CDH7: variants seen among roughly 807,000 people sequenced by gnomAD.
The protein encoded by CDH7 is cadherin-7.
A neutral mutation model predicts 71.8 loss-of-function variants in CDH7; 25 were observed. The ratio of observed to expected loss-of-function variants is 0.35; its 90% CI spans 0.25 to 0.49. The LOEUF (loss-of-function observed/expected upper bound fraction) is 0.49. Among genes scored for constraint, CDH7 ranks in the 20% least tolerant of loss-of-function variants. The probability of loss-of-function intolerance (pLI) is 0.99; values close to 1 mark genes in which losing one functional copy is unlikely to be tolerated. For missense variants in CDH7, 862 were observed against 974.6 expected (o/e 0.88, Z 1.54); for synonymous variants, 381 against 363.8 (o/e 1.05, Z -0.54).
chr18:65,870,185 T>C (rs541646797), intron 11 of CDH7, among the ~76,000 whole-genome samples: 1 of 152,318 alleles, frequency 6.6e-6, no homozygotes, highest in East Asian at 1.9e-4. Context: ...TTATAGTTGA[T>C]ATCTCAGTCA....
At chr18:65,776,014 C>A (rs1909927514) in intron 2 of CDH7, among the ~76,000 whole-genome samples, 1 of 151,888 alleles carries the variant, frequency 6.6e-6, no homozygotes, top group South Asian at 2.1e-4. Flanking sequence ...ATGGAAAGAG[C>A]AGATGTTAGT....
intron 6 of CDH7, among the ~76,000 whole-genome samples, chr18:65,836,691 A>AATC (rs1912543973): frequency 6.6e-6 from 1 of 151,306 alleles, no homozygotes; most frequent in Non-Finnish European, 1.5e-5. Flanking sequence ...TTAAAATAAT[A>AATC]ATAATAATAA....
rs1910951766 is a variant in CDH7 at position 65,797,304 on chromosome 18, CCTCACT to C, written c.211-12396_211-12391del. On this transcript the variant is annotated intron_variant, in intron 2 of 11. Coordinates refer to ENST00000397968, the MANE Select transcript of CDH7 (RefSeq NM_004361.5). ...TTGTGGTCTTTGCCTGTTTCTTCCA[CCTCACT>C]CTCTTTTTTCCCTTTTTCTTCCTAT... Among the ~76,000 whole-genome samples the C allele has an allele frequency of 2.0e-5, 3 of 152,282 alleles. No individual in the cohort carries two copies. In the South Asian group the frequency reaches 6.2e-4, roughly 32 times the overall value.
chr18:65,872,249 A>T (rs1913949878), intron 11 of CDH7, among the ~76,000 whole-genome samples: 1 of 152,196 alleles, frequency 6.6e-6, no homozygotes, highest in East Asian at 1.9e-4. Context: ...GGATTTGGCA[A>T]AATGTGAGTC....
chr18:65,778,533 T>TTTTTTTTTTTTTTTTTG (rs1910049155), intron 2 of CDH7, among the ~76,000 whole-genome samples: 1 of 144,146 alleles, frequency 6.9e-6, no homozygotes, highest in Non-Finnish European at 1.5e-5. Context: ...CTCACTCTTT[T>TTTTTTTTTTTTTTTTTG]TTTTTTTTTT....
At chr18:65,793,646 C>A (rs558615681) in intron 2 of CDH7, among the ~76,000 whole-genome samples, 2 of 152,088 alleles carry the variant, frequency 1.3e-5, no homozygotes, top group Non-Finnish European at 2.9e-5. Flanking sequence ...CTGTACTAAT[C>A]ACCAAAGTAT....
intron 1 of CDH7, among the ~76,000 whole-genome samples, chr18:65,757,834 A>T (rs372363257): frequency 1.3e-5 from 2 of 152,094 alleles, no homozygotes; most frequent in South Asian, 4.1e-4. Context: ...AATAGTGAAG[A>T]GGTCAGCTCT....
intron 2 of CDH7, among the ~76,000 whole-genome samples, chr18:65,774,765 C>A (rs1909874897): frequency 6.6e-6 from 1 of 152,046 alleles, no homozygotes; most frequent in Non-Finnish European, 1.5e-5. Flanking sequence ...TGGTTATACC[C>A]CCCTGATGAT....
Position 65,776,401 on chromosome 18 carries a change from C to CACAGAG in CDH7, c.210+13350_210+13351insCAGAGA, listed in dbSNP as rs1370490839. 5.4e-4 allele frequency among the ~76,000 whole-genome samples: 67 copies of CACAGAG among 124,762 alleles called. 1 individual carries two copies. The highest frequency in any genetic ancestry group is 2.2e-3 in the African/African-American group (64 of 29,510). 81.8% of individuals were successfully genotyped at this position (124,762 alleles called of 152,430 possible). ...ACACACACACACACACACACACACACAGAGAGAGAGAGAGGGAAGAGAGAG... is the reference window on the plus strand; with the variant it reads ...ACACACACACACACACACACACACACACAGAGAGAGAGAGAGAGAGGGAAGAGAGAG... On this transcript the variant is annotated intron_variant, in intron 2 of 11. Transcript: ENST00000397968.
At chr18:65,867,304 G>A (rs1455108474) in intron 11 of CDH7, among the ~76,000 whole-genome samples, 2 of 151,908 alleles carry the variant, frequency 1.3e-5, no homozygotes, top group African/African-American at 4.8e-5. Context: ...CAAAGTGCTG[G>A]GATTACAGGC....
chr18:65,804,013 A>G (rs955345889), intron 2 of CDH7, among the ~76,000 whole-genome samples: 4 of 152,134 alleles, frequency 2.6e-5, no homozygotes, highest in African/African-American at 4.8e-5. Flanking sequence ...CAAAGCTGCA[A>G]TTATTGTCAT....
intron 2 of CDH7, among the ~76,000 whole-genome samples, chr18:65,798,535 C>T (rs916916699): frequency 6.6e-6 from 1 of 152,104 alleles, no homozygotes; most frequent in African/African-American, 2.4e-5. Flanking sequence ...AGGGATTTAC[C>T]CATAGGGAAT....
rs750421793 is a variant in CDH7, at chr18:65,776,395, CACACACAG to C, written c.210+13345_210+13352del. Among the ~76,000 whole-genome samples, 899 of 150,152 alleles carry C rather than the reference CACACACAG, an allele frequency of 6.0e-3. 6 individuals are homozygous for C. Among genetic ancestry groups the C allele is most frequent in the African/African-American group, 0.021 (854 of 40,158 alleles). ...ACACACACACACACACACACACACA[CACACACAG>C]AGAGAGAGAGAGGGAAGAGAGAGAA... is the stretch of plus-strand genomic sequence containing the variant. On this transcript the variant is annotated intron_variant, in intron 2 of 11. Coordinates refer to ENST00000397968, the MANE Select transcript of CDH7 (RefSeq NM_004361.5).
chr18:65,820,752 A>T (rs953240374), intron 4 of CDH7, among the ~76,000 whole-genome samples: 2 of 152,190 alleles, frequency 1.3e-5, no homozygotes, highest in Admixed American at 6.5e-5. Flanking sequence ...TAAGTGAGAA[A>T]CTTTGACTAC....
At chr18:65,784,245 C>T (rs1910429024) in intron 2 of CDH7, among the ~76,000 whole-genome samples, 1 of 151,658 alleles carries the variant, frequency 6.6e-6, no homozygotes, top group African/African-American at 2.4e-5. Context: ...CTGTGCTTAG[C>T]TGAAAAGTTG....
At position 65,880,386 on chromosome 18, in the gene CDH7, G is replaced by T; in HGVS notation, c.1865-15G>T. 1 of 1,524,720 alleles carries T rather than the reference G, an allele frequency of 6.6e-7. No individual in the cohort carries two copies. 94.4% of individuals were successfully genotyped at this position (1,524,720 alleles called of 1,614,324 possible). On this transcript the variant is annotated splice_polypyrimidine_tract_variant and intron_variant, in intron 11 of 11. Coordinates refer to ENST00000397968, the MANE Select transcript of CDH7 (RefSeq NM_004361.5). The stretch of plus-strand genomic sequence containing the variant: ...GAGTTTACTGAAACTTTCTCTTCCT[G>T]TCTTATTGTTTCAGTGTTGATCCTC...
intron 2 of CDH7, among the ~76,000 whole-genome samples, chr18:65,773,709 G>A (rs529982920): frequency 1.3e-5 from 2 of 152,206 alleles, no homozygotes; most frequent in African/African-American, 4.8e-5. Context: ...GTATGAAAAT[G>A]TATTTTTAAA....
chr18:65,774,030 C>T (rs1366672361), intron 2 of CDH7, among the ~76,000 whole-genome samples: 1 of 152,080 alleles, frequency 6.6e-6, no homozygotes, highest in African/African-American at 2.4e-5. Context: ...CTTAGCTGGG[C>T]TTGCTTTTCA....
intron 1 of CDH7, among the ~76,000 whole-genome samples, chr18:65,752,093 A>C: frequency 6.6e-6 from 1 of 152,262 alleles, no homozygotes; most frequent in African/African-American, 2.4e-5. Flanking sequence ...TTTGCTTTGC[A>C]ATAAATATCT....
Sources: gnomAD v4.1 joint callset for allele counts (sites outside exome capture counted in the v4.1 genomes callset) on GRCh38, gnomAD v4.1.1 for gene constraint, MANE v1.5 for transcripts, NCBI Gene and HGNC (gene_info 2026-07-23, HGNC 2026-07-21) for gene names.